The following KCNH5 variants were observed in gnomAD, a reference collection of about 807,000 sequenced individuals.
KCNH5 encodes potassium voltage-gated channel subfamily H member 5.
KCNH5 carries 46 observed loss-of-function variants against 96.1 expected under a neutral mutation model. The ratio of observed to expected loss-of-function variants is 0.48; its 90% CI spans 0.38 to 0.61. The LOEUF (loss-of-function observed/expected upper bound fraction) is 0.61, where lower values mean the gene tolerates loss of function less well. KCNH5 is among the 20% of genes least tolerant of loss of function. KCNH5 has a pLI of 0.00. For missense variants in KCNH5, 907 were observed against 1,225.8 expected (o/e 0.74, Z 3.88); for synonymous variants, 439 against 449.8 (o/e 0.98, Z 0.30).
At chr14:62,783,376 C>T (rs929605006) in intron 9 of KCNH5, among the ~76,000 whole-genome samples, 15 of 152,134 alleles carry the variant, frequency 9.9e-5, no homozygotes, top group African/African-American at 3.6e-4. Context: ...CCAAAAAAAG[C>T]CAAGCTTTTA....
At chr14:62,960,642 C>T (rs1890189409) in intron 6 of KCNH5, among the ~76,000 whole-genome samples, 1 of 152,046 alleles carries the variant, frequency 6.6e-6, no homozygotes, top group African/African-American at 2.4e-5. Context: ...TAGTCCATTT[C>T]CATTTCCTTT....
chr14:62,720,485 A>AGGCAGGAGAAT (rs1884785431), intron 10 of KCNH5, among the ~76,000 whole-genome samples: 2 of 152,196 alleles, frequency 1.3e-5, no homozygotes, highest in East Asian at 3.9e-4. Context: ...CGGGAGGCTG[A>AGGCAGGAGAAT]GGCAGGAGAA....
chr14:62,793,120 A>G (rs551231061), intron 9 of KCNH5, among the ~76,000 whole-genome samples: 4 of 151,880 alleles, frequency 2.6e-5, no homozygotes, highest in African/African-American at 7.2e-5. Context: ...CAGAGAATAT[A>G]ATAGTGGCTG....
chr14:62,787,665 C>T (rs1886346508), intron 9 of KCNH5, among the ~76,000 whole-genome samples: 2 of 152,110 alleles, frequency 1.3e-5, no homozygotes, highest in Admixed American at 1.3e-4. Context: ...TTGTTAGGGC[C>T]TAATGCAGCT....
chr14:62,753,750 TC>T (rs1283298546), intron 10 of KCNH5, among the ~76,000 whole-genome samples: 1 of 152,150 alleles, frequency 6.6e-6, no homozygotes, highest in African/African-American at 2.4e-5. Flanking sequence ...GGCAAAGATA[TC>T]CTTCAAACAT....
At chr14:63,015,927 A>G (rs534927185) in intron 2 of KCNH5, among the ~76,000 whole-genome samples, 15 of 151,784 alleles carry the variant, frequency 9.9e-5, no homozygotes, top group African/African-American at 3.4e-4. Flanking sequence ...TTTTATATAT[A>G]CATATATATA....
intron 6 of KCNH5, among the ~76,000 whole-genome samples, chr14:62,960,371 G>T (rs1890183564): frequency 1.3e-5 from 2 of 151,992 alleles, no homozygotes; most frequent in African/African-American, 4.8e-5. Flanking sequence ...TTTATCCCTA[G>T]CACACTCTAG....
At chr14:62,837,901 G>C (rs1319968904) in intron 8 of KCNH5, among the ~76,000 whole-genome samples, 1 of 152,102 alleles carries the variant, frequency 6.6e-6, no homozygotes, top group Non-Finnish European at 1.5e-5. Flanking sequence ...AGACAAGAGG[G>C]ATCTTAATTG....
chr14:63,042,057 C>A (rs1189908955), intron 1 of KCNH5, among the ~76,000 whole-genome samples: 2 of 152,010 alleles, frequency 1.3e-5, no homozygotes, highest in Non-Finnish European at 2.9e-5. Context: ...ATTGGTGATA[C>A]CCATGGACAA....
At chr14:62,965,139 A>G (rs1054067435) in intron 6 of KCNH5, among the ~76,000 whole-genome samples, 10 of 152,080 alleles carry the variant, frequency 6.6e-5, no homozygotes, top group Non-Finnish European at 1.0e-4. Context: ...TTTTTCATTT[A>G]AAGGATGACA....
rs945101751 is a variant in KCNH5 at position 62,899,879 on chromosome 14, A to G, written c.1370-50027T>C. ...ATTAAAAAAATTTTTAATTCTTGGA[A>G]CAGGACCTTGTGTCTAAATGTCTAA... is the stretch of plus-strand genomic sequence containing the variant. On this transcript the variant is annotated intron_variant, in intron 7 of 10. Transcript: ENST00000322893. 3.3e-5 allele frequency among the ~76,000 whole-genome samples: 5 copies of G among 152,158 alleles called. No individual in the cohort carries two copies. The East Asian group carries it at 9.6e-4, about 29-fold the overall frequency.
intron 7 of KCNH5, among the ~76,000 whole-genome samples, chr14:62,924,805 T>C (rs1889442720): frequency 6.6e-6 from 1 of 151,888 alleles, no homozygotes; most frequent in Non-Finnish European, 1.5e-5. Flanking sequence ...ACCAGGTACT[T>C]AGAAGTGGGG....
chr14:62,824,934 C>T (rs534294393), intron 8 of KCNH5, among the ~76,000 whole-genome samples: 6 of 152,048 alleles, frequency 3.9e-5, no homozygotes, highest in South Asian at 4.1e-4. Context: ...GCAAAGGACA[C>T]GATTTCATTG....
intron 7 of KCNH5, among the ~76,000 whole-genome samples, chr14:62,879,600 C>G (rs555349946): frequency 6.6e-6 from 1 of 152,164 alleles, no homozygotes; most frequent in East Asian, 1.9e-4. Context: ...CCTGAAGGAC[C>G]TTCCCGAATA....
rs1159372799 is a variant in KCNH5, at chr14:62,702,619, G to T, written c.*4889C>A. ...CATAGTGAGACCTTGGTAAATATAAGCTTAGTTAACTTATTTAACTTCTAA... is the reference window on the plus strand; with the variant it reads ...CATAGTGAGACCTTGGTAAATATAATCTTAGTTAACTTATTTAACTTCTAA... On this transcript the variant is annotated 3_prime_UTR_variant, in exon 11 of 11. Coordinates refer to ENST00000322893, the MANE Select transcript of KCNH5 (RefSeq NM_139318.5). 1 of 151,912 alleles carries T rather than the reference G, an allele frequency of 6.6e-6. No individual in the cohort carries two copies. The highest frequency in any genetic ancestry group is 1.5e-5 in the Non-Finnish European group (1 of 67,858). The allele number at this position is 151,912 out of a possible 1,614,324, so 9.4% of individuals were successfully genotyped here. A position where few individuals can be genotyped will look rare whatever the true frequency, so the allele number is the denominator to read the frequency against.
At chr14:62,736,524 C>A (rs1017555661) in intron 10 of KCNH5, among the ~76,000 whole-genome samples, 1 of 152,078 alleles carries the variant, frequency 6.6e-6, no homozygotes, top group Non-Finnish European at 1.5e-5. Context: ...AAAGACATGC[C>A]GGCCCCAAGA....
chr14:62,938,001 A>G (rs765118528), intron 7 of KCNH5, among the ~76,000 whole-genome samples: 2 of 152,182 alleles, frequency 1.3e-5, no homozygotes, highest in African/African-American at 4.8e-5. Flanking sequence ...CCCGAGGTCT[A>G]CTATTCCCAT....
At chr14:62,717,415 T>C (rs1366189000) in intron 10 of KCNH5, among the ~76,000 whole-genome samples, 1 of 152,160 alleles carries the variant, frequency 6.6e-6, no homozygotes, top group Non-Finnish European at 1.5e-5. Context: ...ATTAAAGGAT[T>C]TGGTACTGGC....
At chr14:62,712,558 C>CTTAA in intron 10 of KCNH5, 1 of 697,574 alleles carries the variant, frequency 1.4e-6, no homozygotes, top group East Asian at 2.7e-5. Flanking sequence ...TCCAAACAGT[C>CTTAA]TTAACCATTC....
Sources: allele counts gnomAD v4.1 joint callset (sites outside exome capture counted in the v4.1 genomes callset), GRCh38; gene constraint gnomAD v4.1.1; transcripts MANE v1.5; gene names NCBI Gene and HGNC (gene_info 2026-07-23, HGNC 2026-07-21).